The following CLSTN1 variants were observed in gnomAD, a reference collection of about 807,000 sequenced individuals.
CLSTN1 encodes calsyntenin-1.
In CLSTN1, 28 loss-of-function variants were observed where a neutral mutation model predicts 108.3. The ratio of observed to expected loss-of-function variants is 0.26; its 90% CI spans 0.19 to 0.35. The LOEUF (loss-of-function observed/expected upper bound fraction) is 0.35, where lower values mean the gene tolerates loss of function less well. Among genes scored for constraint, CLSTN1 ranks in the 10% least tolerant of loss-of-function variants. The pLI is 1.00. For synonymous variants in CLSTN1, 524 were observed against 534.9 expected (o/e 0.98, Z 0.28); for missense variants, 1,157 against 1,302.6 (o/e 0.89, Z 1.72).
At chr1:9,791,297 C>T (rs892493673) in intron 1 of CLSTN1, among the ~76,000 whole-genome samples, 2 of 151,490 alleles carry the variant, frequency 1.3e-5, no homozygotes, top group Admixed American at 6.7e-5. Context: ...AGATCACAGG[C>T]TTTTTGCTCT....
At chr1:9,805,015 G>A (rs148357032) in intron 1 of CLSTN1, among the ~76,000 whole-genome samples, 279 of 152,048 alleles carry the variant, frequency 1.8e-3, no homozygotes, top group African/African-American at 6.2e-3. Context: ...CCAGCTACTC[G>A]GGAGTGAGGC....
chr1:9,819,713 C>A (rs1219895901), intron 1 of CLSTN1, among the ~76,000 whole-genome samples: 1 of 152,110 alleles, frequency 6.6e-6, no homozygotes. Context: ...GGAATATATT[C>A]AAAATTGTTC....
intron 1 of CLSTN1, chr1:9,781,381 A>G (rs1406004102): frequency 1.7e-5 from 8 of 463,172 alleles, no homozygotes; most frequent in African/African-American, 4.1e-5. Flanking sequence ...AAACCATAGC[A>G]TTATAAATCA....
intron 1 of CLSTN1, among the ~76,000 whole-genome samples, chr1:9,790,097 T>C (rs7529231): frequency 0.015 from 2,266 of 151,664 alleles, 23 homozygotes; most frequent in Non-Finnish European, 0.022. Flanking sequence ...TTGTTTGGTG[T>C]ATCAAATAAT....
chr1:9,798,123 A>G (rs974707816), intron 1 of CLSTN1, among the ~76,000 whole-genome samples: 10 of 114,654 alleles, frequency 8.7e-5, no homozygotes, highest in Admixed American at 2.2e-4. Flanking sequence ...GGAGAGAGGG[A>G]GAGAGGGGAA....
intron 1 of CLSTN1, among the ~76,000 whole-genome samples, chr1:9,812,939 G>C (rs1404223559): frequency 2.6e-5 from 4 of 151,160 alleles, no homozygotes; most frequent in Non-Finnish European, 1.5e-5. Context: ...TGAGGTGGGA[G>C]GATCACTTGA....
At chr1:9,822,051 A>G (rs768191648) in intron 1 of CLSTN1, among the ~76,000 whole-genome samples, 5 of 152,248 alleles carry the variant, frequency 3.3e-5, no homozygotes, top group Non-Finnish European at 5.9e-5. Context: ...AATTTTAACA[A>G]GAAATGGTAT....
rs1234874422 is a variant in CLSTN1, at chr1:9,823,534, C to T, written c.91+109G>A. 1.3e-5 allele frequency: 8 copies of T among 626,358 alleles called. No individual in the cohort carries two copies. In the African/African-American group the frequency reaches 1.4e-4, roughly 11 times the overall value. The allele number at this position is 626,358 out of a possible 1,614,324, so 38.8% of individuals were successfully genotyped here. On this transcript the variant is annotated intron_variant, in intron 1 of 18. Coordinates refer to ENST00000377298, the MANE Select transcript of CLSTN1 (RefSeq NM_001009566.3). The surrounding 1 kb of genome is among the most constrained non-coding windows in gnomAD (Gnocchi z 6.3). ...GCATCCCGGCTCGAATCCCGGCATC[C>T]GGCCCTACTCCCGCACCCGGACCCG...
chr1:9,780,894 C>A, intron 1 of CLSTN1: 1 of 334,934 alleles, frequency 3.0e-6, no homozygotes, highest in South Asian at 5.5e-5. Context: ...TGCGGGAGAC[C>A]ATGGACAGGA....
rs1048917590 is a variant in CLSTN1, at chr1:9,729,017, C to T, written c.*1491G>A. ...ACAGGAGAGAAGACAAACCCCGCTC[C>T]GGCTGGAGTTAGTTAGAACCAGAAC... On this transcript the variant is annotated 3_prime_UTR_variant, in exon 19 of 19. Transcript: ENST00000377298. 2.0e-5 allele frequency: 3 copies of T among 152,206 alleles called. No homozygotes were observed. In the East Asian group the frequency reaches 5.8e-4, roughly 29 times the overall value. 9.4% of individuals were successfully genotyped at this position (152,206 alleles called of 1,614,324 possible).
At chr1:9,764,056 G>T (rs534475778) in intron 2 of CLSTN1, among the ~76,000 whole-genome samples, 1 of 151,906 alleles carries the variant, frequency 6.6e-6, no homozygotes, top group African/African-American at 2.4e-5. Context: ...CACTCACTGC[G>T]GAAGGCCAAG....
chr1:9,802,782 C>A (rs1210896249), intron 1 of CLSTN1, among the ~76,000 whole-genome samples: 1 of 150,398 alleles, frequency 6.6e-6, no homozygotes, highest in Non-Finnish European at 1.5e-5. Context: ...CCTTCCATTT[C>A]TAGAATTCTA....
At chr1:9,739,297 C>T (rs1198554430) in intron 10 of CLSTN1, among the ~76,000 whole-genome samples, 1 of 152,182 alleles carries the variant, frequency 6.6e-6, no homozygotes, top group Admixed American at 6.5e-5. Flanking sequence ...CACAGGGATC[C>T]TCGCACAGCC....
At chr1:9,731,639 G>C in intron 17 of CLSTN1, 122 bp downstream of exon 17, 1 of 1,037,376 alleles carries the variant, frequency 9.6e-7, no homozygotes, top group Non-Finnish European at 1.5e-6. Flanking sequence ...TGTGTGATGG[G>C]GAATAATTGG....
chr1:9,814,481 T>C (rs1002368943), intron 1 of CLSTN1, among the ~76,000 whole-genome samples: 3 of 152,258 alleles, frequency 2.0e-5, no homozygotes, highest in Admixed American at 1.3e-4. Flanking sequence ...TCTAAAGACA[T>C]ATTTCTAAGC....
intron 1 of CLSTN1, among the ~76,000 whole-genome samples, chr1:9,818,596 G>A (rs1449058211): frequency 1.3e-5 from 2 of 151,982 alleles, no homozygotes; most frequent in Non-Finnish European, 2.9e-5. Context: ...CAAAGTGCTG[G>A]GATTACAGGC....
Position 9,730,792 on chromosome 1 carries a change from A to G in CLSTN1, c.2749-87T>C. 1 of 1,289,828 alleles carries G rather than the reference A, an allele frequency of 7.8e-7. No homozygotes were observed. Among genetic ancestry groups the G allele is most frequent in the East Asian group, 2.5e-5 (1 of 39,414 alleles). 79.9% of individuals were successfully genotyped at this position (1,289,828 alleles called of 1,614,324 possible). ...TTCTCCTCTCGACAGCCACAGAGGAAGGAGAACTTGCCCCAGCGTCTCCCT... is the reference window on the plus strand; with the variant it reads ...TTCTCCTCTCGACAGCCACAGAGGAGGGAGAACTTGCCCCAGCGTCTCCCT... On this transcript the variant is annotated intron_variant, in intron 18 of 18. Transcript: ENST00000377298. The surrounding 1 kb of genome is among the most constrained non-coding windows in gnomAD (Gnocchi z 5.6).
At chr1:9,774,970 G>A (rs1374512811) in intron 1 of CLSTN1, among the ~76,000 whole-genome samples, 7 of 152,116 alleles carry the variant, frequency 4.6e-5, no homozygotes, top group East Asian at 1.9e-4. Flanking sequence ...ACTTCCTCAC[G>A]TTGCCATGGC....
intron 13 of CLSTN1, 92 bp from the exon 14 acceptor site, chr1:9,735,266 C>A: frequency 1.4e-6 from 2 of 1,442,396 alleles, no homozygotes; most frequent in Non-Finnish European, 1.9e-6. Context: ...ATACAGAGGC[C>A]CCCACTAACA....
Sources: gnomAD v4.1 joint callset for allele counts (sites outside exome capture counted in the v4.1 genomes callset) on GRCh38, gnomAD v4.1.1 for gene constraint, Gnocchi (gnomAD v3.1) non-coding constraint, MANE v1.5 for transcripts, NCBI Gene and HGNC (gene_info 2026-07-23, HGNC 2026-07-21) for gene names.